The following ZNF143 variants were observed in gnomAD, a reference collection of about 807,000 sequenced individuals.
The protein encoded by ZNF143 is zinc finger protein 143.
A neutral mutation model predicts 74.1 loss-of-function variants in ZNF143; 49 were observed. That is an observed-to-expected ratio of 0.66 (90% CI 0.53 to 0.84). ZNF143 has a LOEUF of 0.84. ZNF143 is among the 40% of genes least tolerant of loss of function. The pLI is 0.00. For missense variants in ZNF143, 637 were observed against 793.4 expected, an observed-to-expected ratio of 0.80 and a Z score of 2.37; for synonymous variants, 304 against 282.8, an observed-to-expected ratio of 1.07 and a Z score of -0.75.
intron 1 of ZNF143, among the ~76,000 whole-genome samples, chr11:9,468,921 G>A (rs184178354): frequency 2.6e-5 from 4 of 152,014 alleles, no homozygotes; most frequent in African/African-American, 7.2e-5. Flanking sequence ...ATCACTTGAG[G>A]TCAGAAGTTC....
intron 14 of ZNF143, among the ~76,000 whole-genome samples, chr11:9,524,121 T>C (rs1158390025): frequency 6.6e-6 from 1 of 152,022 alleles, no homozygotes; most frequent in African/African-American, 2.4e-5. Flanking sequence ...AATTCTTTGC[T>C]TTCTGGGCTA....
rs181804264 is a variant in ZNF143, at chr11:9,525,540, G to A, written c.1833+154G>A. ...CTTTAAGGAAATCGGTGTATTTGAG[G>A]TGGACTCAAAAAGACCAGCACTTTG... On this transcript the variant is annotated intron_variant, in intron 15 of 15. Transcript: ENST00000396602. 2.8e-4 allele frequency: 282 copies of A among 1,004,386 alleles called. No homozygotes were observed. In the African/African-American group the frequency reaches 4.0e-3, roughly 14 times the overall value. 62.2% of individuals were successfully genotyped at this position (1,004,386 alleles called of 1,614,324 possible). A position where few individuals can be genotyped will look rare whatever the true frequency, so the allele number is the denominator to read the frequency against.
chr11:9,480,438 C>G (rs1847188777), intron 7 of ZNF143, among the ~76,000 whole-genome samples: 1 of 151,918 alleles, frequency 6.6e-6, no homozygotes, highest in South Asian at 2.1e-4. Flanking sequence ...TATTTAACTC[C>G]TAAAGTTACT....
At chr11:9,507,486 CCTA>C (rs1381050451) in intron 11 of ZNF143, among the ~76,000 whole-genome samples, 1 of 152,190 alleles carries the variant, frequency 6.6e-6, no homozygotes, top group Non-Finnish European at 1.5e-5. Flanking sequence ...AGTAAACAAG[CCTA>C]CTACAAATGA....
chr11:9,488,942 A>G (rs1162102098), intron 7 of ZNF143, among the ~76,000 whole-genome samples: 2 of 152,176 alleles, frequency 1.3e-5, no homozygotes, highest in Non-Finnish European at 2.9e-5. Context: ...GTTAGCCTAG[A>G]TTGGAGATAA....
intron 1 of ZNF143, chr11:9,461,634 C>G (rs1261057700): frequency 6.7e-6 from 1 of 150,340 alleles, no homozygotes; most frequent in East Asian, 2.0e-4. Context: ...CTCACCCTTT[C>G]TTCTATTAAA....
At chr11:9,477,397 G>A (rs994830535) in intron 5 of ZNF143, among the ~76,000 whole-genome samples, 5 of 152,192 alleles carry the variant, frequency 3.3e-5, no homozygotes, top group East Asian at 1.9e-4. Flanking sequence ...TGGGACTACA[G>A]GTGCGCGCCA....
Position 9,501,211 on chromosome 11 carries a change from G to T in ZNF143, c.1088G>T (p.Gly363Val). 6.2e-7 allele frequency: 1 copy of T among 1,614,194 alleles called. No individual in the cohort carries two copies. The highest frequency in any genetic ancestry group is 8.5e-7 in the Non-Finnish European group (1 of 1,180,038). ...AGACCTTATTACTGCACAGAGCCAG[G>T]ATGTGGGAGGGCATTTGCCAGTGCA... ...GERPYYCTEP[G>V]CGRAFASATN... The change falls in exon 11 of 16, where the codon GGA (glycine) becomes GTA (valine). Residue 363 changes from glycine to valine, a missense_variant. By Grantham distance (109) the Gly-to-Val change is moderately radical. Around this residue, in one of 2 missense-constraint regions of ZNF143, gnomAD observed 344 missense variants for 485.6 expected, o/e 0.71. Coordinates refer to ENST00000396602, the MANE Select transcript of ZNF143 (RefSeq NM_003442.6).
chr11:9,462,576 A>T (rs952821501), intron 1 of ZNF143, among the ~76,000 whole-genome samples: 1 of 151,522 alleles, frequency 6.6e-6, no homozygotes, highest in South Asian at 2.1e-4. Flanking sequence ...AAAAAGTGAT[A>T]ATTAGTTGAA....
intron 12 of ZNF143, among the ~76,000 whole-genome samples, chr11:9,512,172 A>C (rs192747409): frequency 6.6e-6 from 1 of 152,288 alleles, no homozygotes; most frequent in East Asian, 1.9e-4. Flanking sequence ...AGTATCAAGT[A>C]ATTACTCCAA....
At chr11:9,493,399 A>G (rs1445411306) in intron 7 of ZNF143, among the ~76,000 whole-genome samples, 2 of 152,106 alleles carry the variant, frequency 1.3e-5, no homozygotes, top group Non-Finnish European at 1.5e-5. Context: ...ATATTTTATC[A>G]ACAGATCTAC....
At chr11:9,468,447 A>T (rs920013208) in intron 1 of ZNF143, among the ~76,000 whole-genome samples, 1 of 152,150 alleles carries the variant, frequency 6.6e-6, no homozygotes, top group African/African-American at 2.4e-5. Context: ...AGTTTCATAT[A>T]TTCAGTTTTT....
At chr11:9,484,313 C>T (rs1215614515) in intron 7 of ZNF143, among the ~76,000 whole-genome samples, 2 of 151,298 alleles carry the variant, frequency 1.3e-5, no homozygotes, top group Non-Finnish European at 2.9e-5. Flanking sequence ...CCTGCCTCAG[C>T]CTCCTGAGTA....
intron 1 of ZNF143, among the ~76,000 whole-genome samples, chr11:9,464,115 T>C (rs1359282950): frequency 6.6e-6 from 1 of 150,684 alleles, no homozygotes; most frequent in Admixed American, 6.6e-5. Flanking sequence ...TGTGTGTGTG[T>C]ATTTGTGTAT....
intron 1 of ZNF143, among the ~76,000 whole-genome samples, chr11:9,465,393 G>C (rs980591219): frequency 6.6e-5 from 10 of 151,382 alleles, no homozygotes; most frequent in Non-Finnish European, 1.3e-4. Flanking sequence ...CACCATGTTG[G>C]CCAGGCTGGT....
intron 15 of ZNF143, among the ~76,000 whole-genome samples, chr11:9,526,523 A>C (rs1436020172): frequency 6.6e-6 from 1 of 152,138 alleles, no homozygotes; most frequent in Non-Finnish European, 1.5e-5. Context: ...ATAGAAGCTA[A>C]AGGCTCAAGA....
intron 7 of ZNF143, among the ~76,000 whole-genome samples, chr11:9,484,799 G>GGTTTTTTTTTTTTT (rs1316309780): frequency 4.1e-5 from 1 of 24,244 alleles, no homozygotes; most frequent in Admixed American, 4.2e-4. Flanking sequence ...CCTGGCCAAA[G>GGTTTTTTTTTTTTT]ATTTTTTTTT....
chr11:9,484,177 A>T (rs1311294450), intron 7 of ZNF143, among the ~76,000 whole-genome samples: 1 of 150,800 alleles, frequency 6.6e-6, no homozygotes, highest in Non-Finnish European at 1.5e-5. Context: ...AAGGTTGAGA[A>T]CCTAGTACTT....
intron 7 of ZNF143, among the ~76,000 whole-genome samples, chr11:9,491,822 G>A (rs1023981038): frequency 6.6e-6 from 1 of 152,070 alleles, no homozygotes; most frequent in Admixed American, 6.6e-5. Flanking sequence ...GTAGAAATGG[G>A]GTTTCACCAT....
Sources: gnomAD v4.1 joint callset for allele counts (sites outside exome capture counted in the v4.1 genomes callset) on GRCh38, gnomAD v4.1.1 for gene constraint, gnomAD v4.1.1 regional missense constraint, MANE v1.5 for transcripts, NCBI Gene and HGNC (gene_info 2026-07-23, HGNC 2026-07-21) for gene names.